LAMA2: variants seen among roughly 807,000 people sequenced by gnomAD.
LAMA2 encodes the protein laminin subunit alpha-2.
LAMA2 carries 269 observed loss-of-function variants against 364.8 expected under a neutral mutation model. The ratio of observed to expected loss-of-function variants is 0.74; its 90% CI spans 0.67 to 0.82. The LOEUF (loss-of-function observed/expected upper bound fraction) is 0.82. Ranked by LOEUF, LAMA2 falls within the 40% of genes least tolerant of loss-of-function variation. The pLI, the probability that LAMA2 is intolerant of heterozygous loss-of-function variation, is 0.00. For synonymous variants in LAMA2, 1,379 were observed against 1,370.6 expected, an observed-to-expected ratio of 1.01 and a Z score of -0.14; for missense variants, 3,807 against 3,873.2, an observed-to-expected ratio of 0.98 and a Z score of 0.45.
In LAMA2 at chr6:129,147,508, G is replaced by A. The variant is rs376213046; in HGVS notation, c.909+460G>A. Among the ~76,000 whole-genome samples the A allele has an allele frequency of 2.0e-4, 30 of 152,084 alleles. 1 individual carries two copies. The East Asian group carries it at 4.5e-3, about 23-fold the overall frequency. On this transcript the variant is annotated intron_variant, in intron 6 of 64. Coordinates refer to ENST00000421865, the MANE Select transcript of LAMA2 (RefSeq NM_000426.4). ...GGCAGGGGCAATAAGGGGGTGGAGG[G>A]GGTGGAGTGGGTGAGAGAGTCAAGA...
intron 4 of LAMA2, among the ~76,000 whole-genome samples, chr6:129,137,972 T>A (rs929274819): frequency 6.6e-6 from 1 of 151,922 alleles, no homozygotes; most frequent in Non-Finnish European, 1.5e-5. Context: ...CATGGAGGTA[T>A]TTGTGGGAGG....
chr6:129,050,791 G>C (rs952819346), intron 2 of LAMA2, among the ~76,000 whole-genome samples: 1 of 152,158 alleles, frequency 6.6e-6, no homozygotes, highest in African/African-American at 2.4e-5. Context: ...CAAAAGGCTG[G>C]AGCCAGATTA....
At chr6:129,295,371 A>C (rs2101575) in intron 20 of LAMA2, among the ~76,000 whole-genome samples, 119,801 of 152,010 alleles carry the variant, frequency 0.79, 47,811 homozygotes, top group East Asian at 0.89. Context: ...GGGAACCTAT[A>C]CAGTTTCTCA....
intron 28 of LAMA2, among the ~76,000 whole-genome samples, chr6:129,326,066 C>T (rs530170955): frequency 2.0e-5 from 3 of 152,246 alleles, no homozygotes; most frequent in East Asian, 3.9e-4. Context: ...TCTGGAACTC[C>T]TGACCTCAAG....
At chr6:129,202,305 C>G (rs954424905) in intron 12 of LAMA2, among the ~76,000 whole-genome samples, 1 of 151,878 alleles carries the variant, frequency 6.6e-6, no homozygotes, top group Non-Finnish European at 1.5e-5. Context: ...ATGTTGGTGT[C>G]CCCCTAAAAC....
At chr6:129,438,093 G>A (rs1781923501) in intron 41 of LAMA2, among the ~76,000 whole-genome samples, 1 of 151,454 alleles carries the variant, frequency 6.6e-6, no homozygotes, top group Admixed American at 6.6e-5. Flanking sequence ...TAAAAATATT[G>A]TTTTCTTTAT....
At chr6:129,012,734 T>C (rs1784841272) in intron 1 of LAMA2, among the ~76,000 whole-genome samples, 2 of 152,224 alleles carry the variant, frequency 1.3e-5, no homozygotes, top group Admixed American at 6.5e-5. Flanking sequence ...CTTATTAAAC[T>C]AATTTAAGGA....
intron 1 of LAMA2, among the ~76,000 whole-genome samples, chr6:129,025,374 A>G (rs566397634): frequency 6.6e-6 from 1 of 152,188 alleles, no homozygotes; most frequent in South Asian, 2.1e-4. Flanking sequence ...AACCCATGCT[A>G]TTTACAAAAA....
In LAMA2 at chr6:129,388,255, C is replaced by CAA. The variant is rs71028157; in HGVS notation, c.5072-3224_5072-3223dup. Among the ~76,000 whole-genome samples, 454 of 138,336 alleles carry CAA rather than the reference C, an allele frequency of 3.3e-3. 2 individuals carry two copies. Among genetic ancestry groups the CAA allele is most frequent in the African/African-American group, 6.4e-3 (231 of 35,998 alleles). 90.8% of individuals were successfully genotyped at this position (138,336 alleles called of 152,430 possible). A position where few individuals can be genotyped will look rare whatever the true frequency, so the allele number is the denominator to read the frequency against. On this transcript the variant is annotated intron_variant, in intron 35 of 64. Coordinates refer to ENST00000421865, the MANE Select transcript of LAMA2 (RefSeq NM_000426.4). ...TGGGCAACAGAGCAAGACTCCATCT[C>CAA]AAAAAAAAAAAAACAAAAACAAACA...
intron 37 of LAMA2, among the ~76,000 whole-genome samples, chr6:129,398,915 G>C (rs904630105): frequency 6.6e-6 from 1 of 152,120 alleles, no homozygotes; most frequent in Non-Finnish European, 1.5e-5. Context: ...CATAAGCTAC[G>C]ACCATAAAGT....
At chr6:129,288,090 A>G in intron 19 of LAMA2, 32 bp downstream of exon 19, 1 of 1,575,406 alleles carries the variant, frequency 6.3e-7, no homozygotes, top group South Asian at 1.1e-5. Context: ...CCCCTGACAG[A>G]ATTGATGTAT....
intron 1 of LAMA2, among the ~76,000 whole-genome samples, chr6:128,892,100 TAAAA>T (rs957189908): frequency 6.6e-6 from 1 of 151,226 alleles, no homozygotes; most frequent in African/African-American, 2.4e-5. Context: ...AGCATAAAAC[TAAAA>T]AAAAAGATTT....
intron 27 of LAMA2, among the ~76,000 whole-genome samples, chr6:129,320,163 A>G (rs1774869132): frequency 7.1e-6 from 1 of 140,600 alleles, no homozygotes; most frequent in South Asian, 2.3e-4. Flanking sequence ...AAATAAAAAG[A>G]AAAAAAAAAA....
At chr6:129,154,882 A>C (rs1240461966) in intron 8 of LAMA2, among the ~76,000 whole-genome samples, 199 bp downstream of exon 8, 1 of 152,206 alleles carries the variant, frequency 6.6e-6, no homozygotes, top group Non-Finnish European at 1.5e-5. Flanking sequence ...CACTCCAGAA[A>C]GTTTTATCAT....
chr6:128,952,285 A>G (rs903028214), intron 1 of LAMA2, among the ~76,000 whole-genome samples: 6 of 152,218 alleles, frequency 3.9e-5, no homozygotes, highest in Non-Finnish European at 7.3e-5. Flanking sequence ...AGTATATTAC[A>G]TTTTAACAGC....
chr6:129,465,976 G>A (rs1783521584), intron 51 of LAMA2, among the ~76,000 whole-genome samples: 1 of 151,906 alleles, frequency 6.6e-6, no homozygotes, highest in South Asian at 2.1e-4. Flanking sequence ...ATTCTGTGTA[G>A]TATGGCATTA....
chr6:129,202,326 G>A (rs921032963), intron 12 of LAMA2, among the ~76,000 whole-genome samples: 1 of 152,054 alleles, frequency 6.6e-6, no homozygotes, highest in Admixed American at 6.5e-5. Flanking sequence ...TTATATGCTG[G>A]AACCTAATGC....
rs1307503408 is a variant in LAMA2 at position 129,051,295 on chromosome 6, T to C, written c.283+1207T>C. ...TTATATTTATTTATATTATTTTTAA[T>C]GAACAGATATATTATTTTATTTTTA... On this transcript the variant is annotated intron_variant, in intron 2 of 64. Coordinates refer to ENST00000421865, the MANE Select transcript of LAMA2 (RefSeq NM_000426.4). Among the ~76,000 whole-genome samples, 4 of 148,414 alleles carry C rather than the reference T, an allele frequency of 2.7e-5. No homozygotes were observed. The Admixed American group carries it at 2.7e-4, about 10-fold the overall frequency.
chr6:129,406,037 C>A (rs566726325), intron 40 of LAMA2, among the ~76,000 whole-genome samples: 2 of 151,986 alleles, frequency 1.3e-5, no homozygotes, highest in African/African-American at 4.8e-5. Flanking sequence ...GAGCAACCAA[C>A]GACCACTATG....
Sources: gnomAD v4.1 joint callset for allele counts (sites outside exome capture counted in the v4.1 genomes callset) on GRCh38, gnomAD v4.1.1 for gene constraint, MANE v1.5 for transcripts, NCBI Gene and HGNC (gene_info 2026-07-23, HGNC 2026-07-21) for gene names.